Variants in ROBO2 observed in about 807,000 individuals in gnomAD.
ROBO2 encodes roundabout guidance receptor 2.
ROBO2 carries 53 observed loss-of-function variants against 160.8 expected under a neutral mutation model. The ratio of observed to expected loss-of-function variants is 0.33; its 90% CI spans 0.26 to 0.41. The LOEUF (loss-of-function observed/expected upper bound fraction) is 0.41, where lower values mean the gene tolerates loss of function less well. Among genes scored for constraint, ROBO2 ranks in the 10% least tolerant of loss-of-function variants. The pLI, the probability that ROBO2 is intolerant of heterozygous loss-of-function variation, is 1.00. For missense variants in ROBO2, 1,577 were observed against 1,722.4 expected (o/e 0.92, Z 1.49); for synonymous variants, 664 against 611.7 (o/e 1.09, Z -1.26).
At chr3:76,628,304 C>G (rs143713552) in intron 2 of ROBO2, among the ~76,000 whole-genome samples, 1 of 151,908 alleles carries the variant, frequency 6.6e-6, no homozygotes, top group Non-Finnish European at 1.5e-5. Flanking sequence ...GGCTGGAGTA[C>G]AGTGGCACGA....
chr3:76,078,565 A>G (rs986082281), intron 2 of ROBO2, among the ~76,000 whole-genome samples: 13 of 151,916 alleles, frequency 8.6e-5, no homozygotes, highest in South Asian at 2.1e-4. Flanking sequence ...GGGTGTCCCT[A>G]TGTTGCCCAG....
At chr3:76,001,189 C>A (rs952025317) in intron 2 of ROBO2, among the ~76,000 whole-genome samples, 1 of 152,166 alleles carries the variant, frequency 6.6e-6, no homozygotes, top group African/African-American at 2.4e-5. Context: ...TAACGAAGCA[C>A]AACTTGAATC....
chr3:77,370,518 G>A (rs1346572985), intron 2 of ROBO2, among the ~76,000 whole-genome samples: 1 of 152,134 alleles, frequency 6.6e-6, no homozygotes, highest in African/African-American at 2.4e-5. Flanking sequence ...TGGGCTTGTG[G>A]CAGCAGGTCG....
Position 77,148,720 on chromosome 3 carries a change from G to C in ROBO2, c.388+50380G>C, listed in dbSNP as rs72891549. On this transcript the variant is annotated intron_variant, in intron 2 of 25. Transcript: ENST00000461745. ...CAAATATTAAACACCATTATGTCAA[G>C]CAAATACCGCTAAATATGAAACAAA... Among the ~76,000 whole-genome samples the C allele has an allele frequency of 2.1e-3, 317 of 152,234 alleles. 1 individual carries two copies. The highest frequency in any genetic ancestry group is 7.1e-3 in the African/African-American group (293 of 41,540).
chr3:76,451,906 A>G (rs1345019976), intron 2 of ROBO2, among the ~76,000 whole-genome samples: 1 of 152,156 alleles, frequency 6.6e-6, no homozygotes, highest in Non-Finnish European at 1.5e-5. Context: ...GAACCTGTTT[A>G]CAATTTTGTC....
intron 2 of ROBO2, among the ~76,000 whole-genome samples, chr3:77,370,535 T>A (rs2071592668): frequency 1.3e-5 from 2 of 152,188 alleles, no homozygotes; most frequent in African/African-American, 4.8e-5. Context: ...GTCGAGTGTA[T>A]TGGGTTATCC....
chr3:76,141,177 A>ATATATATATATATATATG (rs1352311949), intron 2 of ROBO2, among the ~76,000 whole-genome samples: 5 of 103,222 alleles, frequency 4.8e-5, no homozygotes, highest in African/African-American at 1.8e-4. Context: ...ATATATATAT[A>ATATATATATATATATATG]TATATATATA....
rs537109869 is a variant in ROBO2, at chr3:75,977,445, T to A, written c.109+39843T>A. On this transcript the variant is annotated intron_variant, in intron 2 of 26. Coordinates refer to the ROBO2 transcript ENST00000487694. ...AAAGTTGCATCTCCATATTTGGTTT[T>A]CAGTTGATTCAGTTTATTTTTGAAT... Among the ~76,000 whole-genome samples the A allele has an allele frequency of 7.2e-5, 11 of 151,736 alleles. No individual in the cohort carries two copies. The South Asian group carries it at 2.3e-3, about 31-fold the overall frequency.
upstream of ROBO2, among the ~76,000 whole-genome samples, chr3:77,035,215 A>AG (rs2063557175): frequency 6.6e-6 from 1 of 151,882 alleles, no homozygotes; most frequent in Non-Finnish European, 1.5e-5. Flanking sequence ...GATGGGGCTG[A>AG]GGGGGTAATG....
intron 2 of ROBO2, among the ~76,000 whole-genome samples, chr3:76,854,113 T>G (rs1363821718): frequency 6.7e-6 from 1 of 150,296 alleles, no homozygotes; most frequent in Non-Finnish European, 1.5e-5. Context: ...TATAGCATGT[T>G]ATACCTAAAA....
rs76484397 is a variant in ROBO2 at position 76,426,797 on chromosome 3, A to G, written c.109+489195A>G. ...AACCTAAGGTTTACAGAATCTCTGAAGGAAATGTGAGAGTGATGAATTGCA... is the reference window on the plus strand; with the variant it reads ...AACCTAAGGTTTACAGAATCTCTGAGGGAAATGTGAGAGTGATGAATTGCA... On this transcript the variant is annotated intron_variant, in intron 2 of 26. Coordinates refer to the ROBO2 transcript ENST00000487694. Among the ~76,000 whole-genome samples the G allele has an allele frequency of 9.3e-3, 1,420 of 152,278 alleles. 21 individuals are homozygous for G. The highest frequency in any genetic ancestry group is 0.033 in the African/African-American group (1,360 of 41,552).
rs186015644 is a variant in ROBO2 at position 76,476,625 on chromosome 3, T to C, written c.109+539023T>C. On this transcript the variant is annotated intron_variant, in intron 2 of 26. Coordinates refer to the ROBO2 transcript ENST00000487694. Reference sequence around the variant, plus strand: ...TGTACCACTGTTCAATCCAGGGTGATTGGGAGAGGTGGCGGCCTTTTCTGC... The same window carrying C: ...TGTACCACTGTTCAATCCAGGGTGACTGGGAGAGGTGGCGGCCTTTTCTGC... Among the ~76,000 whole-genome samples, 227 of 152,282 alleles carry C rather than the reference T, an allele frequency of 1.5e-3. No individual in the cohort carries two copies. In the Middle Eastern group the frequency reaches 0.017, roughly 11 times the overall value.
At chr3:76,445,669 C>T (rs1394058880) in intron 2 of ROBO2, among the ~76,000 whole-genome samples, 1 of 152,136 alleles carries the variant, frequency 6.6e-6, no homozygotes, top group African/African-American at 2.4e-5. Context: ...AGTCCAGCAA[C>T]TCATCAAAAA....
intron 2 of ROBO2, among the ~76,000 whole-genome samples, chr3:76,467,078 G>A (rs796597581): frequency 4.6e-5 from 7 of 151,862 alleles, no homozygotes; most frequent in African/African-American, 1.4e-4. Flanking sequence ...ACCAAAATGA[G>A]GAAATATATT....
At chr3:76,590,973 A>G (rs1007610675) in intron 2 of ROBO2, among the ~76,000 whole-genome samples, 2 of 152,158 alleles carry the variant, frequency 1.3e-5, no homozygotes, top group African/African-American at 4.8e-5. Flanking sequence ...CATATCTGCG[A>G]TAATTTTAAT....
intron 2 of ROBO2, among the ~76,000 whole-genome samples, chr3:76,528,641 A>G (rs570121892): frequency 7.2e-5 from 11 of 152,064 alleles, no homozygotes; most frequent in African/African-American, 2.6e-4. Flanking sequence ...AATCAAGCAG[A>G]TAGTTAGAAA....
At chr3:77,621,889 T>C (rs2094908632) in intron 22 of ROBO2, among the ~76,000 whole-genome samples, 1 of 152,206 alleles carries the variant, frequency 6.6e-6, no homozygotes, top group Non-Finnish European at 1.5e-5. Context: ...TATAATATTT[T>C]TGGAGAAAAA....
At chr3:77,462,311 C>T (rs1040763536) in intron 2 of ROBO2, among the ~76,000 whole-genome samples, 3 of 152,070 alleles carry the variant, frequency 2.0e-5, no homozygotes, top group African/African-American at 7.2e-5. Context: ...GCCTAGCTCG[C>T]AATAGGCCTT....
intron 2 of ROBO2, among the ~76,000 whole-genome samples, chr3:76,091,446 G>A (rs1007907145): frequency 6.6e-6 from 1 of 152,154 alleles, no homozygotes; most frequent in South Asian, 2.1e-4. Flanking sequence ...GGAGGATGGG[G>A]AGCAACAGGA....
Sources: gnomAD v4.1 joint callset for allele counts (sites outside exome capture counted in the v4.1 genomes callset) on GRCh38, gnomAD v4.1.1 for gene constraint, MANE v1.5 for transcripts, NCBI Gene and HGNC (gene_info 2026-07-23, HGNC 2026-07-21) for gene names.